Variants in SEC24A observed in about 807,000 individuals in gnomAD.
SEC24A encodes the protein protein transport protein Sec24A.
Under a neutral mutation model 129.4 loss-of-function variants are expected in SEC24A, and 93 were observed. The ratio of observed to expected loss-of-function variants is 0.72; its 90% confidence interval spans 0.61 to 0.85. The LOEUF is 0.85. Ranked by LOEUF, SEC24A falls within the 40% of genes least tolerant of loss-of-function variation. The pLI is 0.00. For synonymous variants in SEC24A, 460 were observed against 467.3 expected (o/e 0.98, Z 0.20); for missense variants, 1,264 against 1,307.4 (o/e 0.97, Z 0.51).
chr5:134,689,952 A>G (rs1175081731), intron 11 of SEC24A, among the ~76,000 whole-genome samples: 1 of 151,182 alleles, frequency 6.6e-6, no homozygotes, highest in Non-Finnish European at 1.5e-5. Context: ...ATTCATAGAG[A>G]CAGAAAATGG....
intron 1 of SEC24A, among the ~76,000 whole-genome samples, chr5:134,655,546 G>GGCCTCA (rs1561799447): frequency 1.3e-5 from 2 of 151,150 alleles, no homozygotes; most frequent in Admixed American, 1.3e-4. Context: ...CTACTCAGGA[G>GGCCTCA]GCCTCAGCCT....
intron 7 of SEC24A, among the ~76,000 whole-genome samples, chr5:134,678,827 G>T (rs573062263): frequency 6.6e-6 from 1 of 152,032 alleles, no homozygotes; most frequent in East Asian, 1.9e-4. Flanking sequence ...CGTTCCACCC[G>T]CCTTGGCCTC....
chr5:134,687,478 C>G (rs1374962975), intron 10 of SEC24A, among the ~76,000 whole-genome samples: 2 of 152,106 alleles, frequency 1.3e-5, no homozygotes, highest in Non-Finnish European at 2.9e-5. Context: ...GCTTAGAGAC[C>G]TAGTGTAACC....
chr5:134,695,961 AG>A (rs1167237348), intron 13 of SEC24A, among the ~76,000 whole-genome samples: 4,201 of 146,898 alleles, frequency 0.029, 206 homozygotes, highest in African/African-American at 0.1. Context: ...AAAAAAAAAA[AG>A]AAAGAAAGAA....
In SEC24A at chr5:134,682,368, T is replaced by C. The variant is rs1275144699; in HGVS notation, c.1382-5T>C. The C allele has an allele frequency of 2.0e-6, 3 of 1,496,144 alleles. No homozygotes were observed. Among genetic ancestry groups the C allele is most frequent in the Non-Finnish European group, 2.8e-6 (3 of 1,079,494 alleles). The allele number at this position is 1,496,144 out of a possible 1,614,324, so 92.7% of individuals were successfully genotyped here. A position where few individuals can be genotyped will look rare whatever the true frequency, so the allele number is the denominator to read the frequency against. On this transcript the variant is annotated splice_polypyrimidine_tract_variant and splice_region_variant and intron_variant, in intron 8 of 22. Coordinates refer to ENST00000398844, the MANE Select transcript of SEC24A (RefSeq NM_021982.3). ...TTCAATATGTGTATTGTTAACTTTA[T>C]ATAGTTCCTGAAGAATTCTTGTACA...
intron 3 of SEC24A, among the ~76,000 whole-genome samples, chr5:134,669,984 T>C (rs1245696844): frequency 6.6e-6 from 1 of 152,116 alleles, no homozygotes; most frequent in South Asian, 2.1e-4. Flanking sequence ...TGGAGTGCAG[T>C]GGAAGGATCT....
intron 4 of SEC24A, 21 bp downstream of exon 4, chr5:134,671,907 T>G (rs1420536958): frequency 6.7e-7 from 1 of 1,489,116 alleles, no homozygotes; most frequent in Admixed American, 1.8e-5. Flanking sequence ...ATGAAAGTTT[T>G]TTTTTTAATC....
At chr5:134,685,177 C>T (rs1410981237) in intron 9 of SEC24A, among the ~76,000 whole-genome samples, 1 of 151,980 alleles carries the variant, frequency 6.6e-6, no homozygotes. Context: ...CGAGACCAGC[C>T]TGGGCAATGT....
intron 6 of SEC24A, among the ~76,000 whole-genome samples, chr5:134,675,586 A>T (rs1327302919): frequency 5.3e-5 from 8 of 152,116 alleles, no homozygotes; most frequent in Non-Finnish European, 1.0e-4. Flanking sequence ...TTTCCTAAAA[A>T]CTTACCATAA....
intron 2 of SEC24A, among the ~76,000 whole-genome samples, chr5:134,665,917 A>C (rs185758568): frequency 4.3e-4 from 66 of 152,324 alleles, no homozygotes; most frequent in African/African-American, 1.5e-3. Flanking sequence ...TAACATTGAA[A>C]TTTTATTCAT....
intron 1 of SEC24A, 113 bp from the exon 2 acceptor site, chr5:134,661,006 T>G (rs1750437075): frequency 1.3e-6 from 1 of 791,354 alleles, no homozygotes; most frequent in African/African-American, 1.7e-5. Context: ...TGCTTATTTT[T>G]TAATTGAGTT....
At chr5:134,703,643 A>G (rs1752067718) in intron 15 of SEC24A, 116 bp from the exon 16 acceptor site, 4 of 683,262 alleles carry the variant, frequency 5.9e-6, no homozygotes, top group South Asian at 1.8e-5. Flanking sequence ...CTCACTAAGT[A>G]CTGTGTATTA....
At position 134,686,864 on chromosome 5, in the gene SEC24A, G is replaced by A; in HGVS notation, c.1566G>A (p.Leu522=). The change falls in exon 10 of 23, where the codon TTG becomes TTA. Residue 522 remains leucine (L), a synonymous_variant. Coordinates refer to ENST00000398844, the MANE Select transcript of SEC24A (RefSeq NM_021982.3). ...ACAATGCAGTCGAAACTGGATACTT[G>A]AATTCAGTTTGCCAGAGTTTGTTAG... ...VSHNAVETGY[L]NSVCQSLLDN... 1 of 1,610,226 alleles carries A rather than the reference G, an allele frequency of 6.2e-7. No homozygotes were observed. Among genetic ancestry groups the A allele is most frequent in the South Asian group, 1.1e-5 (1 of 90,366 alleles).
chr5:134,666,808 C>T lies in SEC24A; in HGVS notation c.566-15C>T, dbSNP rs1750676599. ...GAGTTCTCAAGTGACGTGTGAAAAACCAATGTTTCCATAGGTCCTTCTGTA... is the reference window on the plus strand; with the variant it reads ...GAGTTCTCAAGTGACGTGTGAAAAATCAATGTTTCCATAGGTCCTTCTGTA... On this transcript the variant is annotated splice_polypyrimidine_tract_variant and intron_variant, in intron 2 of 22. Coordinates refer to ENST00000398844, the MANE Select transcript of SEC24A (RefSeq NM_021982.3). 1 of 1,613,228 alleles carries T rather than the reference C, an allele frequency of 6.2e-7. No individual in the cohort carries two copies. The highest frequency in any genetic ancestry group is 1.3e-5 in the African/African-American group (1 of 74,844).
chr5:134,679,709 A>G lies in SEC24A; in HGVS notation c.1362A>G (p.Leu454=). Residue 454 remains leucine, a synonymous_variant, in exon 8 of 23, where the codon TTA becomes TTG. Coordinates refer to ENST00000398844, the MANE Select transcript of SEC24A (RefSeq NM_021982.3). ...FLDQRRWKCN[L]CYRVNDVPEE... is the part of the protein sequence containing the mutation. ...ATCAAAGGAGATGGAAGTGTAACTT[A>G]TGTTATCGAGTCAATGATGGTATGG... is the stretch of plus-strand genomic sequence containing the variant. 1 of 1,594,604 alleles carries G rather than the reference A, an allele frequency of 6.3e-7. No homozygotes were observed. The highest frequency in any genetic ancestry group is 8.6e-7 in the Non-Finnish European group (1 of 1,167,366).
chr5:134,687,616 G>A (rs963794851), intron 10 of SEC24A, among the ~76,000 whole-genome samples: 1 of 152,136 alleles, frequency 6.6e-6, no homozygotes, highest in East Asian at 1.9e-4. Flanking sequence ...GCTCATTCTT[G>A]TTCCTGCCAG....
At chr5:134,722,257 G>A (rs1429411748) in intron 21 of SEC24A, among the ~76,000 whole-genome samples, 3 of 152,042 alleles carry the variant, frequency 2.0e-5, no homozygotes, top group African/African-American at 7.2e-5. Context: ...TTGGGAGGCC[G>A]AGGCTGGCGA....
At chr5:134,691,355 G>A (rs1751644098) in intron 11 of SEC24A, among the ~76,000 whole-genome samples, 2 of 148,462 alleles carry the variant, frequency 1.3e-5, no homozygotes, top group South Asian at 4.3e-4. Flanking sequence ...TTTTAGTAGA[G>A]ACAGGGTTTC....
In SEC24A at chr5:134,682,415, G is replaced by A; in HGVS notation, c.1424G>A (p.Gly475Glu). The change falls in exon 9 of 23, where the codon GGA becomes GAA. Residue 475 changes from glycine (G) to glutamate (E), a missense_variant. Transcript: ENST00000398844. ...TACAACCCTTTGACCAGAGTTTATG[G>A]AGAACCTCACAGAAGACCAGAAGTT... is the stretch of plus-strand genomic sequence containing the variant. ...FLYNPLTRVY[G>E]EPHRRPEVQN... is the part of the protein sequence containing the mutation. 1 of 1,609,422 alleles carries A rather than the reference G, an allele frequency of 6.2e-7. No individual in the cohort carries two copies. Among genetic ancestry groups the A allele is most frequent in the Non-Finnish European group, 8.5e-7 (1 of 1,175,964 alleles).
Sources: gnomAD v4.1 joint callset for allele counts (sites outside exome capture counted in the v4.1 genomes callset) on GRCh38, gnomAD v4.1.1 for gene constraint, MANE v1.5 for transcripts, NCBI Gene and HGNC (gene_info 2026-07-23, HGNC 2026-07-21) for gene names.